The following MGAT4A variants were observed in gnomAD, a reference collection of about 807,000 sequenced individuals.
MGAT4A encodes N-acetylglucosaminyltransferase IVa.
MGAT4A carries 33 observed loss-of-function variants against 74.1 expected under a neutral mutation model. The observed-to-expected ratio is 0.45, with a 90% CI of 0.34 to 0.60. The LOEUF (loss-of-function observed/expected upper bound fraction) is 0.60. Ranked by LOEUF, MGAT4A falls within the 20% of genes least tolerant of loss-of-function variation. The pLI is 0.02. For synonymous variants in MGAT4A, 198 were observed against 210.4 expected (o/e 0.94, Z 0.51); for missense variants, 479 against 628.3 (o/e 0.76, Z 2.54).
chr2:98,668,204 T>C (rs760462481), intron 4 of MGAT4A, among the ~76,000 whole-genome samples: 6 of 152,202 alleles, frequency 3.9e-5, no homozygotes, highest in Admixed American at 6.5e-5. Context: ...TCAGAGACCT[T>C]TGTGGCAACC....
chr2:98,669,925 C>T (rs772493629), intron 4 of MGAT4A, among the ~76,000 whole-genome samples: 3 of 152,142 alleles, frequency 2.0e-5, no homozygotes, highest in Non-Finnish European at 2.9e-5. Flanking sequence ...TTCAAGATGG[C>T]AACTGCTCTG....
intron 12 of MGAT4A, 110 bp downstream of exon 12, chr2:98,639,698 C>T (rs1484384175): frequency 2.7e-5 from 24 of 888,568 alleles, no homozygotes; most frequent in Middle Eastern, 5.6e-4. Context: ...CATTTTGGGC[C>T]CCACTGTGTC....
chr2:98,711,796 C>T (rs922751529), intron 2 of MGAT4A, among the ~76,000 whole-genome samples: 1 of 152,166 alleles, frequency 6.6e-6, no homozygotes, highest in African/African-American at 2.4e-5. Context: ...AGCCATCACA[C>T]TCGGCTAATT....
At chr2:98,627,693 C>G (rs1701167141) in intron 14 of MGAT4A, among the ~76,000 whole-genome samples, 1 of 152,166 alleles carries the variant, frequency 6.6e-6, no homozygotes, top group South Asian at 2.1e-4. Flanking sequence ...AACGAATTTT[C>G]AAAGTGATAA....
chr2:98,729,864 A>G (rs1702819584), intron 1 of MGAT4A, among the ~76,000 whole-genome samples: 1 of 152,222 alleles, frequency 6.6e-6, no homozygotes, highest in Admixed American at 6.5e-5. Context: ...GTAAGCCTAT[A>G]TAACTTTACA....
At chr2:98,637,875 AG>A (rs1354463657) in intron 12 of MGAT4A, among the ~76,000 whole-genome samples, 1 of 152,196 alleles carries the variant, frequency 6.6e-6, no homozygotes, top group Non-Finnish European at 1.5e-5. Flanking sequence ...AGCCAGTCAC[AG>A]TATGGTTACG....
At chr2:98,671,918 A>C (rs1377400015) in intron 4 of MGAT4A, among the ~76,000 whole-genome samples, 2 of 131,642 alleles carry the variant, frequency 1.5e-5, no homozygotes, top group Admixed American at 1.8e-4. Flanking sequence ...ATGAAGGAAG[A>C]GGCCACAAAG....
At chr2:98,668,015 G>A (rs1162420121) in intron 4 of MGAT4A, among the ~76,000 whole-genome samples, 1 of 152,154 alleles carries the variant, frequency 6.6e-6, no homozygotes, top group Non-Finnish European at 1.5e-5. Context: ...ACAGCGCCCG[G>A]CCAGCATTCA....
chr2:98,693,516 G>C (rs561689089), intron 2 of MGAT4A, among the ~76,000 whole-genome samples: 34 of 152,156 alleles, frequency 2.2e-4, no homozygotes, highest in African/African-American at 7.7e-4. Flanking sequence ...AAACAGGCTA[G>C]GCAACAAAGC....
chr2:98,681,801 T>G (rs1232193416), intron 2 of MGAT4A, among the ~76,000 whole-genome samples: 1 of 151,450 alleles, frequency 6.6e-6, no homozygotes, highest in Non-Finnish European at 1.5e-5. Context: ...AAAAAAAGAG[T>G]TTTTTTAAGA....
At chr2:98,730,679 G>A (rs2104344476) in intron 1 of MGAT4A, among the ~76,000 whole-genome samples, 2 of 149,128 alleles carry the variant, frequency 1.3e-5, no homozygotes, top group East Asian at 2.0e-4. Context: ...GCCGAGCCCC[G>A]CCACGCCGGG....
At chr2:98,700,444 TA>T (rs1702338470) in intron 2 of MGAT4A, among the ~76,000 whole-genome samples, 2 of 151,086 alleles carry the variant, frequency 1.3e-5, no homozygotes, top group South Asian at 4.1e-4. Context: ...TATCTATCTA[TA>T]AGGTAGGTCT....
At position 98,648,428 on chromosome 2, in the gene MGAT4A, A is replaced by G. The variant is rs370053435; in HGVS notation, c.775-2886T>C. On this transcript the variant is annotated intron_variant, in intron 8 of 15. Transcript: ENST00000393487. Reference sequence around the variant, plus strand: ...GGCAGGAGAATCACTTGAACCCGGGAGGCAGAGGGTGCAGTGAGCTGAGAT... The same window carrying G: ...GGCAGGAGAATCACTTGAACCCGGGGGGCAGAGGGTGCAGTGAGCTGAGAT... Among the ~76,000 whole-genome samples the G allele has an allele frequency of 9.8e-4, 149 of 152,234 alleles. 1 individual carries two copies. The highest frequency in any genetic ancestry group is 3.4e-3 in the African/African-American group (140 of 41,554).
intron 2 of MGAT4A, among the ~76,000 whole-genome samples, chr2:98,717,417 G>C (rs992493107): frequency 6.6e-6 from 1 of 151,920 alleles, no homozygotes; most frequent in Non-Finnish European, 1.5e-5. Context: ...TTGCATACTG[G>C]AAGAAAGTAG....
intron 2 of MGAT4A, among the ~76,000 whole-genome samples, chr2:98,722,069 C>A (rs546095673): frequency 6.6e-6 from 1 of 152,290 alleles, no homozygotes; most frequent in South Asian, 2.1e-4. Flanking sequence ...CAGGTCTCAT[C>A]ACTTTGAAAA....
At position 98,623,413 on chromosome 2, in the gene MGAT4A, C is replaced by A. The variant is rs1032681138; in HGVS notation, c.*2153G>T. The A allele has an allele frequency of 3.2e-5, 32 of 985,356 alleles. No homozygotes were observed. Among genetic ancestry groups the A allele is most frequent in the South Asian group, 2.8e-4 (6 of 21,286 alleles). The allele number at this position is 985,356 out of a possible 1,614,324, so 61.0% of individuals were successfully genotyped here. A position where few individuals can be genotyped will look rare whatever the true frequency, so the allele number is the denominator to read the frequency against. Reference sequence around the variant, plus strand: ...AGTTGGCAACTGAGGAACCAGGGACCCAAGAGTACTCCTAAGCCCACCTGC... The same window carrying A: ...AGTTGGCAACTGAGGAACCAGGGACACAAGAGTACTCCTAAGCCCACCTGC... On this transcript the variant is annotated 3_prime_UTR_variant, in exon 16 of 16. Coordinates refer to ENST00000393487, the MANE Select transcript of MGAT4A (RefSeq NM_012214.3).
At chr2:98,691,322 T>C (rs931493141) in intron 2 of MGAT4A, among the ~76,000 whole-genome samples, 1 of 151,876 alleles carries the variant, frequency 6.6e-6, no homozygotes, top group African/African-American at 2.4e-5. Context: ...GGTAACGTAG[T>C]CCCAGCTACT....
intron 2 of MGAT4A, among the ~76,000 whole-genome samples, chr2:98,690,008 C>CA (rs199886729): frequency 1.7e-4 from 24 of 143,848 alleles, no homozygotes; most frequent in East Asian, 6.1e-4. Context: ...AACAGGAGCA[C>CA]AAAAAAAAAA....
chr2:98,669,078 GA>G (rs1322577923), intron 4 of MGAT4A, among the ~76,000 whole-genome samples: 6 of 152,306 alleles, frequency 3.9e-5, no homozygotes, highest in African/African-American at 1.4e-4. Context: ...AGTTAATGCT[GA>G]AAAGAGTTAA....
Sources: allele counts gnomAD v4.1 joint callset (sites outside exome capture counted in the v4.1 genomes callset), GRCh38; gene constraint gnomAD v4.1.1; transcripts MANE v1.5; gene names NCBI Gene and HGNC (gene_info 2026-07-23, HGNC 2026-07-21).